Variants in SMYD3 observed in about 807,000 individuals in gnomAD.
The protein encoded by SMYD3 is SET and MYND domain containing 3.
A neutral mutation model predicts 57.7 loss-of-function variants in SMYD3; 36 were observed. That is an observed-to-expected ratio of 0.62 (90% CI 0.48 to 0.82). The LOEUF is 0.82. SMYD3 is among the 40% of genes least tolerant of loss of function. The pLI is 0.00. For missense variants in SMYD3, 515 were observed against 538.8 expected, an observed-to-expected ratio of 0.96 and a Z score of 0.44; for synonymous variants, 211 against 195.0, an observed-to-expected ratio of 1.08 and a Z score of -0.68.
At chr1:245,925,101 C>T (rs2056277462) in intron 7 of SMYD3, among the ~76,000 whole-genome samples, 1 of 152,124 alleles carries the variant, frequency 6.6e-6, no homozygotes, top group Non-Finnish European at 1.5e-5. Context: ...CCAAATAGCT[C>T]ATATTAAAAC....
At chr1:245,775,714 C>G (rs1461813331) in intron 10 of SMYD3, among the ~76,000 whole-genome samples, 1 of 121,398 alleles carries the variant, frequency 8.2e-6, no homozygotes, top group Non-Finnish European at 1.6e-5. Flanking sequence ...TCAATAAATA[C>G]TAAAAAAAAA....
chr1:246,300,323 A>G (rs2064872077), intron 5 of SMYD3, among the ~76,000 whole-genome samples: 1 of 152,178 alleles, frequency 6.6e-6, no homozygotes. Flanking sequence ...ATTTGCATGT[A>G]TTATAGACAA....
At chr1:246,116,084 G>A (rs140833807) in intron 5 of SMYD3, among the ~76,000 whole-genome samples, 1 of 152,226 alleles carries the variant, frequency 6.6e-6, no homozygotes, top group East Asian at 1.9e-4. Context: ...AGGTTGCAGT[G>A]AGCCGAGATC....
At chr1:246,402,556 T>C (rs2066790666) in intron 1 of SMYD3, among the ~76,000 whole-genome samples, 1 of 152,086 alleles carries the variant, frequency 6.6e-6, no homozygotes, top group South Asian at 2.1e-4. Context: ...AACTATTTGT[T>C]ATGTTCTTAT....
intron 5 of SMYD3, among the ~76,000 whole-genome samples, chr1:246,136,647 A>T (rs1007250394): frequency 6.6e-6 from 1 of 152,214 alleles, no homozygotes; most frequent in Non-Finnish European, 1.5e-5. Flanking sequence ...AGGCAAGATA[A>T]GGAATACAGT....
At chr1:246,019,245 A>G (rs2059427972) in intron 5 of SMYD3, among the ~76,000 whole-genome samples, 1 of 152,190 alleles carries the variant, frequency 6.6e-6, no homozygotes, top group Non-Finnish European at 1.5e-5. Context: ...ATTAGCATCT[A>G]GTGGCAAAGG....
At chr1:246,020,019 T>C (rs1033021862) in intron 5 of SMYD3, among the ~76,000 whole-genome samples, 2 of 152,030 alleles carry the variant, frequency 1.3e-5, no homozygotes, top group African/African-American at 4.8e-5. Context: ...GCCAGAAGAG[T>C]TTACTATCAT....
At chr1:245,816,741 G>A (rs1279505106) in intron 10 of SMYD3, among the ~76,000 whole-genome samples, 9 of 152,248 alleles carry the variant, frequency 5.9e-5, no homozygotes, top group South Asian at 4.1e-4. Context: ...CTCGGGAAGC[G>A]CCAGGGGTCA....
chr1:245,784,878 T>C (rs956333282), intron 10 of SMYD3, among the ~76,000 whole-genome samples: 6 of 147,388 alleles, frequency 4.1e-5, no homozygotes, highest in Admixed American at 2.0e-4. Context: ...AGATGGAGTC[T>C]TACTCTTGTT....
chr1:245,986,784 T>C (rs2058714612), intron 5 of SMYD3, among the ~76,000 whole-genome samples: 2 of 152,228 alleles, frequency 1.3e-5, no homozygotes, highest in South Asian at 4.1e-4. Flanking sequence ...GCTAAGTGCA[T>C]TGAAACAGGC....
chr1:245,840,951 C>T (rs1380625568), intron 10 of SMYD3, among the ~76,000 whole-genome samples: 3 of 152,104 alleles, frequency 2.0e-5, no homozygotes, highest in African/African-American at 7.2e-5. Context: ...TGGGTAGCTG[C>T]GCACTTCCAA....
chr1:246,214,174 A>G (rs905583164), intron 5 of SMYD3, among the ~76,000 whole-genome samples: 1 of 152,180 alleles, frequency 6.6e-6, no homozygotes, highest in African/African-American at 2.4e-5. Context: ...TGTGGATGAT[A>G]AGGTTGAAAA....
chr1:246,147,711 G>C (rs1473107012), intron 5 of SMYD3, among the ~76,000 whole-genome samples: 2 of 151,416 alleles, frequency 1.3e-5, no homozygotes, highest in Non-Finnish European at 3.0e-5. Context: ...TGGGGGCCGG[G>C]AGCAGACAGG....
intron 5 of SMYD3, among the ~76,000 whole-genome samples, chr1:245,977,857 G>T (rs1257512370): frequency 6.6e-6 from 1 of 152,130 alleles, no homozygotes; most frequent in Admixed American, 6.5e-5. Context: ...AGTGCACTCG[G>T]CTGGCAAGCA....
intron 5 of SMYD3, among the ~76,000 whole-genome samples, chr1:246,300,772 A>G (rs896444612): frequency 2.6e-5 from 4 of 152,100 alleles, no homozygotes; most frequent in African/African-American, 9.7e-5. Context: ...AATATAATAT[A>G]TGCAAGCCAC....
intron 5 of SMYD3, among the ~76,000 whole-genome samples, chr1:246,075,942 A>G (rs2060538729): frequency 1.5e-5 from 1 of 65,842 alleles, no homozygotes; most frequent in Non-Finnish European, 2.6e-5. Context: ...ATATAGCAAG[A>G]AAAAAAAAAA....
At chr1:245,824,259 A>C (rs2049343302) in intron 10 of SMYD3, among the ~76,000 whole-genome samples, 1 of 152,260 alleles carries the variant, frequency 6.6e-6, no homozygotes, top group South Asian at 2.1e-4. Context: ...CCATTTAGGC[A>C]AATGACACGA....
intron 5 of SMYD3, among the ~76,000 whole-genome samples, chr1:246,000,472 G>A (rs1247496035): frequency 6.6e-6 from 1 of 152,068 alleles, no homozygotes; most frequent in Non-Finnish European, 1.5e-5. Context: ...GTCTGCAGGG[G>A]GCGTCCACCT....
intron 5 of SMYD3, among the ~76,000 whole-genome samples, chr1:246,225,030 T>C (rs967629666): frequency 2.0e-5 from 3 of 148,314 alleles, no homozygotes; most frequent in African/African-American, 7.5e-5. Context: ...AGTATAGCAA[T>C]CAAGGCTGGA....
Sources: gnomAD v4.1 joint callset for allele counts (sites outside exome capture counted in the v4.1 genomes callset) on GRCh38, gnomAD v4.1.1 for gene constraint, MANE v1.5 for transcripts, NCBI Gene and HGNC (gene_info 2026-07-23, HGNC 2026-07-21) for gene names.